Variants in ASB1 observed in about 807,000 individuals in gnomAD.
The protein encoded by ASB1 is ankyrin repeat and SOCS box protein 1.
In ASB1, 18 loss-of-function variants were observed where a neutral mutation model predicts 27.7. That is an observed-to-expected ratio of 0.65 (90% confidence interval 0.45 to 0.96). The LOEUF is 0.96. ASB1 is among the 50% of genes least tolerant of loss of function. The pLI, the probability that ASB1 is intolerant of heterozygous loss-of-function variation, is 0.00. For missense variants in ASB1, 397 were observed against 451.7 expected, an observed-to-expected ratio of 0.88 and a Z score of 1.10; for synonymous variants, 189 against 187.6, an observed-to-expected ratio of 1.01 and a Z score of -0.06.
chr2:238,427,384 C>T (rs1210253210), intron 1 of ASB1: 4 of 364,280 alleles, frequency 1.1e-5, no homozygotes, highest in Non-Finnish European at 2.0e-5. Flanking sequence ...CTCGTAACTT[C>T]CTTCCCGTTA....
At chr2:238,444,205 T>C in intron 3 of ASB1, 137 bp from the exon 4 acceptor site, 1 of 848,524 alleles carries the variant, frequency 1.2e-6, no homozygotes, top group Non-Finnish European at 1.8e-6. Flanking sequence ...ATCTGATCTG[T>C]GGAGTCTCCT....
intron 3 of ASB1, among the ~76,000 whole-genome samples, chr2:238,440,758 A>G (rs1575006233): frequency 1.3e-5 from 2 of 152,384 alleles, no homozygotes; most frequent in East Asian, 3.9e-4. Flanking sequence ...GACAAGGACA[A>G]GTAAAGTAAA....
In ASB1 at chr2:238,426,988, CG is replaced by C. The variant is rs2106399628; in HGVS notation, c.-82del. On this transcript the variant is annotated 5_prime_UTR_variant, in exon 1 of 5. Transcript: ENST00000264607. ...CCGACGCGCCCCCCATTGCCCTCGG[CG>C]CCGGAAGTGGTCGCGGGTCGTTCTG... The C allele has an allele frequency of 8.8e-7, 1 of 1,131,574 alleles. No homozygotes were observed. Among genetic ancestry groups the C allele is most frequent in the South Asian group, 4.3e-5 (1 of 23,454 alleles). 70.1% of individuals were successfully genotyped at this position (1,131,574 alleles called of 1,614,324 possible).
At chr2:238,432,079 A>G (rs530756727) in intron 1 of ASB1, among the ~76,000 whole-genome samples, 1 of 152,316 alleles carries the variant, frequency 6.6e-6, no homozygotes, top group South Asian at 2.1e-4. Context: ...ATGCAGTGAA[A>G]TGAAGGCTGC....
At chr2:238,433,448 G>C in intron 1 of ASB1, 106 bp from the exon 2 acceptor site, 1 of 1,338,864 alleles carries the variant, frequency 7.5e-7, no homozygotes, top group Non-Finnish European at 1.0e-6. Context: ...GCATTTGAAG[G>C]TGCCCCGTAG....
Position 238,447,771 on chromosome 2 carries a change from A to G in ASB1, c.*1260A>G, listed in dbSNP as rs1702207827. 1 of 152,384 alleles carries G rather than the reference A, an allele frequency of 6.6e-6. No homozygotes were observed. The highest frequency in any genetic ancestry group is 6.5e-5 in the Admixed American group (1 of 15,308). 9.4% of individuals were successfully genotyped at this position (152,384 alleles called of 1,614,324 possible). ...TCAAATCTGTGTTTGATTTTCTGTA[A>G]TAAGAGAAATCCAATTTGTAAAACT... On this transcript the variant is annotated 3_prime_UTR_variant, in exon 5 of 5. Coordinates refer to ENST00000264607, the MANE Select transcript of ASB1 (RefSeq NM_001040445.3).
chr2:238,431,104 G>A (rs78934184), intron 1 of ASB1, among the ~76,000 whole-genome samples: 1 of 152,306 alleles, frequency 6.6e-6, no homozygotes, highest in South Asian at 2.1e-4. Flanking sequence ...GTCCTAGATG[G>A]CATCTTTTTT....
chr2:238,436,323 C>G (rs553632554), intron 3 of ASB1, among the ~76,000 whole-genome samples: 1 of 152,072 alleles, frequency 6.6e-6, no homozygotes, highest in African/African-American at 2.4e-5. Context: ...ACCATCCTCT[C>G]TAGGCTTTTT....
chr2:238,440,830 A>G (rs1252634302), intron 3 of ASB1, among the ~76,000 whole-genome samples: 1 of 152,192 alleles, frequency 6.6e-6, no homozygotes, highest in Non-Finnish European at 1.5e-5. Context: ...TGGCTCCTAC[A>G]CCTGCCCTAT....
Position 238,441,462 on chromosome 2 carries a change from T to C in ASB1, c.495-2880T>C, listed in dbSNP as rs571252910. On this transcript the variant is annotated intron_variant, in intron 3 of 4. Transcript: ENST00000264607. ...GGTATAAATTTTTGGAAATCTAGCT[T>C]GTATCCTTGTCTCCTTGATCCTGTT... Among the ~76,000 whole-genome samples, 14 of 152,296 alleles carry C rather than the reference T, an allele frequency of 9.2e-5. No individual in the cohort carries two copies. In the East Asian group the frequency reaches 2.7e-3, roughly 29 times the overall value.
chr2:238,440,267 G>A (rs147425998), intron 3 of ASB1, among the ~76,000 whole-genome samples: 2 of 152,170 alleles, frequency 1.3e-5, no homozygotes, highest in African/African-American at 2.4e-5. Flanking sequence ...TTGCTTTTGG[G>A]GTATCACTGT....
intron 3 of ASB1, among the ~76,000 whole-genome samples, chr2:238,440,628 A>G (rs763326844): frequency 6.6e-6 from 1 of 152,172 alleles, no homozygotes; most frequent in Non-Finnish European, 1.5e-5. Flanking sequence ...ACTCTGAGCC[A>G]GGGCCCCCTC....
At chr2:238,443,403 A>G (rs893687842) in intron 3 of ASB1, among the ~76,000 whole-genome samples, 1 of 152,150 alleles carries the variant, frequency 6.6e-6, no homozygotes, top group Non-Finnish European at 1.5e-5. Context: ...ATTGCTTGTT[A>G]GTTGTTTTCC....
chr2:238,431,236 T>A (rs1701866965), intron 1 of ASB1, among the ~76,000 whole-genome samples: 1 of 152,168 alleles, frequency 6.6e-6, no homozygotes, highest in Non-Finnish European at 1.5e-5. Context: ...CACTTGCTGC[T>A]TCACTTTGTA....
intron 1 of ASB1, among the ~76,000 whole-genome samples, chr2:238,429,523 G>A (rs1297028623): frequency 1.3e-5 from 2 of 152,200 alleles, no homozygotes; most frequent in African/African-American, 2.4e-5. Context: ...GGGATAGTGT[G>A]TGTTCAGTTC....
At chr2:238,430,799 T>C (rs1156514554) in intron 1 of ASB1, among the ~76,000 whole-genome samples, 1 of 152,234 alleles carries the variant, frequency 6.6e-6, no homozygotes. Flanking sequence ...TACATCTCCA[T>C]GAGAGCTCTT....
chr2:238,433,707 T>C lies in ASB1; in HGVS notation c.191+12T>C. 3 of 1,613,460 alleles carry C rather than the reference T, an allele frequency of 1.9e-6. No homozygotes were observed. Among genetic ancestry groups the C allele is most frequent in the East Asian group, 2.2e-5 (1 of 44,878 alleles). On this transcript the variant is annotated intron_variant, in intron 2 of 4. Coordinates refer to ENST00000264607, the MANE Select transcript of ASB1 (RefSeq NM_001040445.3). The stretch of plus-strand genomic sequence containing the variant: ...GAGAGCTACCGGAGGTGAGCGGCGC[T>C]GCCCAGGGCTGGTCCGGGTACTAGG...
intron 3 of ASB1, among the ~76,000 whole-genome samples, chr2:238,438,514 T>C (rs971319195): frequency 1.3e-5 from 2 of 152,308 alleles, no homozygotes; most frequent in South Asian, 2.1e-4. Flanking sequence ...ATGCCCTTCT[T>C]GCGAAAACGT....
rs769618719 is a variant in ASB1, at chr2:238,433,602, T to C, written c.98T>C (p.Leu33Pro). 3.7e-6 allele frequency: 6 copies of C among 1,614,044 alleles called. No homozygotes were observed. The highest frequency in any genetic ancestry group is 1.3e-5 in the African/African-American group (1 of 74,924). ...AGGGAGCAATTTTGTGATCATCCGC[T>C]GGAGCACTGTGAGGACACGAGGCTC... ...WLREQFCDHPLEHCEDTRLHD... is the reference protein window; with the variant it reads ...WLREQFCDHPPEHCEDTRLHD... The change falls in exon 2 of 5, where the codon CTG becomes CCG. Residue 33 changes from leucine to proline, a missense_variant. Coordinates refer to ENST00000264607, the MANE Select transcript of ASB1 (RefSeq NM_001040445.3).
Sources: gnomAD v4.1 joint callset for allele counts (sites outside exome capture counted in the v4.1 genomes callset) on GRCh38, gnomAD v4.1.1 for gene constraint, MANE v1.5 for transcripts, NCBI Gene and HGNC (gene_info 2026-07-23, HGNC 2026-07-21) for gene names.